The following TFEB variants were observed in gnomAD, a reference collection of about 807,000 sequenced individuals.
The protein encoded by TFEB is transcription factor EB, also known as T-cell transcription factor EB.
TFEB carries 12 observed loss-of-function variants against 48.0 expected under a neutral mutation model. That is an observed-to-expected ratio of 0.25 (90% CI 0.16 to 0.40). TFEB has a LOEUF of 0.40. Ranked by LOEUF, TFEB falls within the 10% of genes least tolerant of loss-of-function variation. The pLI, the probability that TFEB is intolerant of heterozygous loss-of-function variation, is 1.00. For missense variants in TFEB, 509 were observed against 640.3 expected, an observed-to-expected ratio of 0.79 and a Z score of 2.21; for synonymous variants, 244 against 261.4, an observed-to-expected ratio of 0.93 and a Z score of 0.64.
chr6:41,729,589 C>T (rs1771366763), intron 1 of TFEB, among the ~76,000 whole-genome samples: 1 of 152,230 alleles, frequency 6.6e-6, no homozygotes, highest in Non-Finnish European at 1.5e-5. Flanking sequence ...GACGCATGTT[C>T]TGAGGCCCCT....
intron 1 of TFEB, among the ~76,000 whole-genome samples, chr6:41,728,689 G>T (rs986338994): frequency 3.9e-5 from 6 of 151,970 alleles, no homozygotes; most frequent in Admixed American, 2.0e-4. Context: ...GGGAGGGGGG[G>T]TTGGGGGAGG....
At chr6:41,687,714 G>A (rs1769082433) in intron 6 of TFEB, 39 bp downstream of exon 6, 1 of 1,613,554 alleles carries the variant, frequency 6.2e-7, no homozygotes, top group African/African-American at 1.3e-5. Flanking sequence ...GTGAGAACAA[G>A]GAAGAGGGAG....
Position 41,684,407 on chromosome 6 carries a change from C to A in TFEB, c.*192G>T. The A allele has an allele frequency of 1.7e-6, 1 of 599,162 alleles. No individual in the cohort carries two copies. Among genetic ancestry groups the A allele is most frequent in the Non-Finnish European group, 2.6e-6 (1 of 386,234 alleles). The allele number at this position is 599,162 out of a possible 1,614,324, so 37.1% of individuals were successfully genotyped here. A position where few individuals can be genotyped will look rare whatever the true frequency, so the allele number is the denominator to read the frequency against. On this transcript the variant is annotated 3_prime_UTR_variant, in exon 9 of 9. Transcript: ENST00000373033. ...CCACTGCGCCAGTCAAGAGGGCTGC[C>A]CTGGGGGTGCTTCTCCTGACCCCAC...
At chr6:41,714,422 C>A (rs972851723) in intron 1 of TFEB, among the ~76,000 whole-genome samples, 3 of 152,046 alleles carry the variant, frequency 2.0e-5, no homozygotes, top group African/African-American at 4.8e-5. Context: ...AATCTGGAAC[C>A]CAGGCTGGGG....
rs1771641320 is a variant in TFEB at position 41,735,442 on chromosome 6, C to T, written c.-115G>A. ...GTGCCTGGCCCGCAAGCTGTGCCCGCCACCTGCTCCCGGCCTGCTCCGGCC... is the reference window on the plus strand; with the variant it reads ...GTGCCTGGCCCGCAAGCTGTGCCCGTCACCTGCTCCCGGCCTGCTCCGGCC... On this transcript the variant is annotated 5_prime_UTR_variant, in exon 1 of 9. Coordinates refer to ENST00000373033, the MANE Select transcript of TFEB (RefSeq NM_001271944.2). 1.0e-6 allele frequency: 1 copy of T among 985,170 alleles called. No homozygotes were observed. The highest frequency in any genetic ancestry group is 1.1e-4 in the East Asian group (1 of 8,820). The allele number at this position is 985,170 out of a possible 1,614,324, so 61.0% of individuals were successfully genotyped here.
rs115145550 is a variant in TFEB at position 41,713,835 on chromosome 6, G to A, written c.-23+21515C>T. ...CCCAGTCATAACGACACAGATAGGC[G>A]TCCTGATGCATGCCACCCACACTCC... On this transcript the variant is annotated intron_variant, in intron 1 of 8. Transcript: ENST00000373033. Among the ~76,000 whole-genome samples the A allele has an allele frequency of 5.3e-3, 806 of 152,236 alleles. 14 individuals are homozygous for A. The highest frequency in any genetic ancestry group is 0.018 in the African/African-American group (762 of 41,524).
Position 41,734,925 on chromosome 6 carries a change from G to T in TFEB, c.-23+425C>A. The T allele has an allele frequency of 1.0e-6, 1 of 985,002 alleles. No homozygotes were observed. The highest frequency in any genetic ancestry group is 1.2e-6 in the Non-Finnish European group (1 of 829,850). The allele number at this position is 985,002 out of a possible 1,614,324, so 61.0% of individuals were successfully genotyped here. A position where few individuals can be genotyped will look rare whatever the true frequency, so the allele number is the denominator to read the frequency against. On this transcript the variant is annotated intron_variant, in intron 1 of 8. Coordinates refer to ENST00000373033, the MANE Select transcript of TFEB (RefSeq NM_001271944.2). The surrounding 1 kb of genome is among the most constrained non-coding windows in gnomAD (Gnocchi z 4.0). ...CTCCGACCCCCTCTCAGGCATCGCC[G>T]GCCCCAGCCGTGTCCGGTGGAGGGG...
At chr6:41,688,479 T>TGGTGGG (rs1769131459) in intron 4 of TFEB, among the ~76,000 whole-genome samples, 1 of 151,404 alleles carries the variant, frequency 6.6e-6, no homozygotes, top group Non-Finnish European at 1.5e-5. Context: ...AGGGCAGAAG[T>TGGTGGG]GGTGGGGGTG....
In TFEB at chr6:41,686,166, A is replaced by G; in HGVS notation, c.875T>C (p.Leu292Pro). ...VDYIRRMQKD[L>P]QKSRELENHS... The stretch of plus-strand genomic sequence containing the variant: ...GTTCTCCAGCTCCCTGGACTTTTGC[A>G]GGTCCTTCTGCATCCTCCGGATGTA... The change falls in exon 8 of 9, where the codon CTG becomes CCG. Residue 292 changes from leucine (L) to proline (P), a missense_variant. Around this residue, in one of 4 missense-constraint regions of TFEB, gnomAD observed 62 missense variants for 90.2 expected, o/e 0.69. Coordinates refer to ENST00000373033, the MANE Select transcript of TFEB (RefSeq NM_001271944.2). The G allele has an allele frequency of 6.2e-7, 1 of 1,614,246 alleles. No individual in the cohort carries two copies. Among genetic ancestry groups the G allele is most frequent in the Non-Finnish European group, 8.5e-7 (1 of 1,180,042 alleles).
rs1222998820 is a variant in TFEB, at chr6:41,730,374, G to A, written c.-23+4976C>T. ...GGATGGAGAGTCTGGTGGAATCCCT[G>A]GATTAATCCCTACAGCACCGCATCT... is the stretch of plus-strand genomic sequence containing the variant. On this transcript the variant is annotated intron_variant, in intron 1 of 8. Coordinates refer to ENST00000373033, the MANE Select transcript of TFEB (RefSeq NM_001271944.2). The surrounding 1 kb of genome is among the most constrained non-coding windows in gnomAD (Gnocchi z 4.1). 6.6e-6 allele frequency among the ~76,000 whole-genome samples: 1 copy of A among 152,154 alleles called. No individual in the cohort carries two copies. The highest frequency in any genetic ancestry group is 2.4e-5 in the African/African-American group (1 of 41,418).
At chr6:41,703,840 C>A (rs34983005) in intron 1 of TFEB, among the ~76,000 whole-genome samples, 14,420 of 152,232 alleles carry the variant, frequency 0.095, 893 homozygotes, top group Non-Finnish European at 0.13. Flanking sequence ...ATGATGGAGG[C>A]GTTCACATAT....
intron 1 of TFEB, among the ~76,000 whole-genome samples, chr6:41,709,052 A>G (rs1770364237): frequency 6.6e-6 from 1 of 152,214 alleles, no homozygotes; most frequent in African/African-American, 2.4e-5. Flanking sequence ...AGCAAATGCC[A>G]GTAGGACTAG....
Position 41,684,615 on chromosome 6 carries a change from T to C in TFEB, c.1415A>G (p.Glu472Gly). The C allele has an allele frequency of 1.9e-6, 3 of 1,590,708 alleles. No individual in the cohort carries two copies. The highest frequency in any genetic ancestry group is 2.6e-6 in the Non-Finnish European group (3 of 1,168,484). Reference protein sequence around the residue: ...SSRRSSFSMEEGDVL With the variant: ...SSRRSSFSMEGGDVL Reference sequence around the variant, plus strand: ...CAGCCAGGGTCACAGCACATCGCCCTCCTCCATGCTGAAGCTGCTCCGGCG... The same window carrying C: ...CAGCCAGGGTCACAGCACATCGCCCCCCTCCATGCTGAAGCTGCTCCGGCG... The change falls in exon 9 of 9, where the codon GAG becomes GGG. Residue 472 changes from glutamate (E) to glycine (G), a missense_variant. Physicochemically the swap from Glu to Gly is moderately conservative, Grantham distance 98. Around this residue, in one of 4 missense-constraint regions of TFEB, gnomAD observed 168 missense variants for 161.0 expected, o/e 1.04. Coordinates refer to ENST00000373033, the MANE Select transcript of TFEB (RefSeq NM_001271944.2).
At chr6:41,686,331 C>G in intron 7 of TFEB, 94 bp from the exon 8 acceptor site, 1 of 1,494,454 alleles carries the variant, frequency 6.7e-7, no homozygotes, top group Non-Finnish European at 9.1e-7. Flanking sequence ...TGTGGCCTGT[C>G]CCAGTCTTAC....
chr6:41,702,414 T>C (rs1185518925), intron 1 of TFEB, among the ~76,000 whole-genome samples: 1 of 151,208 alleles, frequency 6.6e-6, no homozygotes, highest in East Asian at 1.9e-4. Context: ...CACCAGACCA[T>C]AGTGAGGTGA....
intron 7 of TFEB, chr6:41,686,797 T>C: frequency 2.2e-6 from 1 of 453,974 alleles, no homozygotes; most frequent in Non-Finnish European, 4.1e-6. Flanking sequence ...ATTATAGGCG[T>C]GAGCCCGGCC....
intron 1 of TFEB, among the ~76,000 whole-genome samples, chr6:41,693,601 T>C (rs1769419909): frequency 6.6e-6 from 1 of 152,054 alleles, no homozygotes; most frequent in Non-Finnish European, 1.5e-5. Flanking sequence ...CCAGGGCTCC[T>C]CCCACCACCA....
At chr6:41,715,144 A>G (rs546684012) in intron 1 of TFEB, among the ~76,000 whole-genome samples, 137 of 152,158 alleles carry the variant, frequency 9.0e-4, no homozygotes, top group African/African-American at 3.2e-3. Context: ...TACCCAAGGC[A>G]CCTTCTGGGA....
intron 1 of TFEB, among the ~76,000 whole-genome samples, chr6:41,694,270 C>T (rs1769465507): frequency 6.6e-6 from 1 of 152,170 alleles, no homozygotes; most frequent in Non-Finnish European, 1.5e-5. Context: ...GCCCCACCGC[C>T]CCCTGCCAGA....
Sources: gnomAD v4.1 joint callset for allele counts (sites outside exome capture counted in the v4.1 genomes callset) on GRCh38, gnomAD v4.1.1 for gene constraint, gnomAD v4.1.1 regional missense constraint, Gnocchi (gnomAD v3.1) non-coding constraint, MANE v1.5 for transcripts, NCBI Gene and HGNC (gene_info 2026-07-23, HGNC 2026-07-21) for gene names.